The following MPRIP variants were observed in gnomAD, a reference collection of about 807,000 sequenced individuals.
MPRIP encodes myosin phosphatase Rho-interacting protein.
Under a neutral mutation model 234.9 loss-of-function variants are expected in MPRIP, and 59 were observed. The observed-to-expected ratio is 0.25, with a 90% CI of 0.20 to 0.31. The LOEUF is 0.31. Among genes scored for constraint, MPRIP ranks in the 10% least tolerant of loss-of-function variants. MPRIP has a pLI of 1.00. For missense variants in MPRIP, 2,436 were observed against 3,071.0 expected (o/e 0.79, Z 4.89); for synonymous variants, 1,144 against 1,263.9 (o/e 0.91, Z 2.01).
rs1056692378 is a variant in MPRIP at position 17,186,079 on chromosome 17, T to C, written c.*1185T>C. 1 of 154,152 alleles carries C rather than the reference T, an allele frequency of 6.5e-6. No homozygotes were observed. Among genetic ancestry groups the C allele is most frequent in the Non-Finnish European group, 1.4e-5 (1 of 69,600 alleles). The allele number at this position is 154,152 out of a possible 1,614,324, so 9.5% of individuals were successfully genotyped here. ...GAAAATCTCTTAAATTGGAGTCTAT[T>C]ATGGCCCCATGAAAACCATTAATCC... On this transcript the variant is annotated 3_prime_UTR_variant, in exon 24 of 24. Transcript: ENST00000651222.
chr17:17,100,902 T>C (rs72837935), intron 3 of MPRIP, among the ~76,000 whole-genome samples: 6 of 152,186 alleles, frequency 3.9e-5, no homozygotes, highest in Non-Finnish European at 5.9e-5. Flanking sequence ...ACCAAAAAGT[T>C]TGGGGACCAC....
rs2046613160 is a variant in MPRIP at position 17,192,444 on chromosome 17, G to GGGGGGGGGGGGGGGT, written c.*7553_*7554insGGGGGGGGGGGTGGG. On this transcript the variant is annotated 3_prime_UTR_variant, in exon 24 of 24. Transcript: ENST00000651222. ...TTTTTTTTTGGGGGGGGGGGGGGGA[G>GGGGGGGGGGGGGGGT]GGGCGTCTTGAGGCTTTTTTTTTTT... 1 of 77,122 alleles carries GGGGGGGGGGGGGGGT rather than the reference G, an allele frequency of 1.3e-5. No homozygotes were observed. Among genetic ancestry groups the GGGGGGGGGGGGGGGT allele is most frequent in the Non-Finnish European group, 2.5e-5 (1 of 40,590 alleles). 4.8% of individuals were successfully genotyped at this position (77,122 alleles called of 1,614,324 possible).
In MPRIP at chr17:17,167,660, C is replaced by T. The variant is rs749312303; in HGVS notation, c.6069C>T (p.His2023=). The T allele has an allele frequency of 5.4e-6, 7 of 1,304,260 alleles. No homozygotes were observed. In the South Asian group the frequency reaches 8.6e-5, roughly 16 times the overall value. 80.8% of individuals were successfully genotyped at this position (1,304,260 alleles called of 1,614,324 possible). ...AGGAGCTGAGGACCCTGCAGGAGCA[C>T]TACTCGCAGAGCCTGAGGTGCCTTC... ...HEEELRTLQE[H]YSQSLRCLQD... The change falls in exon 16 of 24, where the codon CAC becomes CAT. Residue 2023 remains histidine (H), a synonymous_variant. Coordinates refer to ENST00000651222, the MANE Select transcript of MPRIP (RefSeq NM_001364716.4). This position sits in a 1 kb window ranked among gnomAD's most constrained non-coding sequence, Gnocchi z 5.9.
Position 17,189,069 on chromosome 17 carries a change from T to C in MPRIP, c.*4175T>C, listed in dbSNP as rs1344995717. On this transcript the variant is annotated 3_prime_UTR_variant, in exon 24 of 24. Transcript: ENST00000651222. ...CGCACTTAGAAAAGAATGTGACACA[T>C]CAACATTAACTTTTCCTGAAAAGAA... 1 of 152,024 alleles carries C rather than the reference T, an allele frequency of 6.6e-6. No individual in the cohort carries two copies. Among genetic ancestry groups the C allele is most frequent in the African/African-American group, 2.4e-5 (1 of 41,348 alleles). 9.4% of individuals were successfully genotyped at this position (152,024 alleles called of 1,614,324 possible). A position where few individuals can be genotyped will look rare whatever the true frequency, so the allele number is the denominator to read the frequency against.
In MPRIP at chr17:17,172,742, G is replaced by A; in HGVS notation, c.6517G>A (p.Glu2173Lys). ...CGCCCACCGGGAGGAAATGGAGCGG[G>A]AGCTGGAGAAGAGCCAGCGGTCCCA... Reference protein sequence around the residue: ...KNAHREEMERELEKSQRSQIS... With the variant: ...KNAHREEMERKLEKSQRSQIS... Residue 2173 changes from glutamate to lysine, a missense_variant, in exon 18 of 24, where the codon GAG becomes AAG. By Grantham distance (56) the Glu-to-Lys change is moderately conservative. Coordinates refer to ENST00000651222, the MANE Select transcript of MPRIP (RefSeq NM_001364716.4). 6.2e-7 allele frequency: 1 copy of A among 1,612,102 alleles called. No individual in the cohort carries two copies. The highest frequency in any genetic ancestry group is 8.5e-7 in the Non-Finnish European group (1 of 1,180,022).
At chr17:17,144,788 G>A (rs1280454415) in intron 9 of MPRIP, among the ~76,000 whole-genome samples, 3 of 152,182 alleles carry the variant, frequency 2.0e-5, no homozygotes, top group African/African-American at 4.8e-5. Flanking sequence ...CCCGGGAGGC[G>A]GAGGTTGCAG....
chr17:17,125,219 C>T (rs1459379332), intron 3 of MPRIP, among the ~76,000 whole-genome samples: 1 of 152,216 alleles, frequency 6.6e-6, no homozygotes, highest in African/African-American at 2.4e-5. Flanking sequence ...GGCTCCTCCT[C>T]GTGTCCCCCC....
In MPRIP at chr17:17,138,954, A is replaced by G. The variant is rs2090759684; in HGVS notation, c.1250+525A>G. 6.6e-6 allele frequency among the ~76,000 whole-genome samples: 1 copy of G among 152,238 alleles called. No individual in the cohort carries two copies. Among genetic ancestry groups the G allele is most frequent in the African/African-American group, 2.4e-5 (1 of 41,466 alleles). On this transcript the variant is annotated intron_variant, in intron 7 of 23. Coordinates refer to ENST00000651222, the MANE Select transcript of MPRIP (RefSeq NM_001364716.4). This position sits in a 1 kb window ranked among gnomAD's most constrained non-coding sequence, Gnocchi z 5.8. ...ATGCTCCCTGGGGAGCCACAGCCCC[A>G]GGAAACCTGAGGCAACCTGTGAAGC...
At chr17:17,145,343 T>TA (rs1390932339) in intron 9 of MPRIP, among the ~76,000 whole-genome samples, 1 of 152,230 alleles carries the variant, frequency 6.6e-6, no homozygotes, top group Non-Finnish European at 1.5e-5. Context: ...GGACCAGAGA[T>TA]AAGGTGACCC....
chr17:17,159,187 C>T (rs967867014), intron 14 of MPRIP, among the ~76,000 whole-genome samples, 185 bp downstream of exon 14: 2 of 152,200 alleles, frequency 1.3e-5, no homozygotes, highest in South Asian at 2.1e-4. Context: ...GCTGTGGGAG[C>T]GTGCCAGTGC....
chr17:17,164,134 G>C lies in MPRIP; in HGVS notation c.2543G>C (p.Gly848Ala), dbSNP rs532889753. The change falls in exon 16 of 24, where the codon GGT becomes GCT. Residue 848 changes from glycine to alanine, a missense_variant. By Grantham distance (60) the Gly-to-Ala change is moderately conservative. Around this residue, in one of 4 missense-constraint regions of MPRIP, gnomAD observed 1,998 missense variants for 2,520.3 expected, o/e 0.79. Coordinates refer to ENST00000651222, the MANE Select transcript of MPRIP (RefSeq NM_001364716.4). The stretch of plus-strand genomic sequence containing the variant: ...ACTGAAGTGGCCGCCTCCCCATCGG[G>C]TGCCTGGCAGAGGCTCCATAGAGTC... ...LQTEVAASPS[G>A]AWQRLHRVNQ... 1 of 1,304,198 alleles carries C rather than the reference G, an allele frequency of 7.7e-7. No individual in the cohort carries two copies. The highest frequency in any genetic ancestry group is 1.2e-5 in the South Asian group (1 of 81,032). 80.8% of individuals were successfully genotyped at this position (1,304,198 alleles called of 1,614,324 possible).
intron 3 of MPRIP, among the ~76,000 whole-genome samples, chr17:17,099,461 A>G (rs1316209691): frequency 6.6e-6 from 1 of 152,234 alleles, no homozygotes; most frequent in Non-Finnish European, 1.5e-5. Flanking sequence ...TAAAATGTAG[A>G]CAAGAGCCAG....
At chr17:17,106,647 G>C (rs957946346) in intron 3 of MPRIP, among the ~76,000 whole-genome samples, 4 of 152,196 alleles carry the variant, frequency 2.6e-5, no homozygotes, top group Non-Finnish European at 4.4e-5. Flanking sequence ...ATGCAGAGCT[G>C]TTTAGTCTGG....
chr17:17,112,673 A>G (rs908325774), intron 3 of MPRIP, among the ~76,000 whole-genome samples: 1 of 152,168 alleles, frequency 6.6e-6, no homozygotes, highest in African/African-American at 2.4e-5. Context: ...TGCCCCTTTA[A>G]GGGGAGCCCA....
At chr17:17,127,787 C>T (rs992315727) in intron 4 of MPRIP, among the ~76,000 whole-genome samples, 2 of 152,252 alleles carry the variant, frequency 1.3e-5, no homozygotes, top group African/African-American at 4.8e-5. Flanking sequence ...TTTGAACACA[C>T]AGATGACTCG....
intron 5 of MPRIP, among the ~76,000 whole-genome samples, chr17:17,133,969 G>A (rs1391585938): frequency 1.3e-5 from 2 of 152,142 alleles, no homozygotes; most frequent in Non-Finnish European, 2.9e-5. Context: ...GCAGGCCCCG[G>A]GTCTCCACTC....
intron 3 of MPRIP, among the ~76,000 whole-genome samples, chr17:17,094,754 G>A (rs141099920): frequency 0.029 from 4,336 of 151,890 alleles, 93 homozygotes; most frequent in Middle Eastern, 0.048. Flanking sequence ...GGGACTACAG[G>A]TATGTGCCAC....
intron 3 of MPRIP, among the ~76,000 whole-genome samples, chr17:17,107,959 G>A (rs558659758): frequency 1.4e-4 from 21 of 152,302 alleles, no homozygotes; most frequent in Non-Finnish European, 2.4e-4. Context: ...CGCTGCTCAG[G>A]GGCCTGCCCG....
intron 1 of MPRIP, among the ~76,000 whole-genome samples, chr17:17,060,200 C>T (rs1212775282): frequency 6.6e-6 from 1 of 152,200 alleles, no homozygotes; most frequent in East Asian, 1.9e-4. Flanking sequence ...GCTCTTCCTT[C>T]CATGTGTGCC....
Sources: gnomAD v4.1 joint callset for allele counts (sites outside exome capture counted in the v4.1 genomes callset) on GRCh38, gnomAD v4.1.1 for gene constraint, gnomAD v4.1.1 regional missense constraint, Gnocchi (gnomAD v3.1) non-coding constraint, MANE v1.5 for transcripts, NCBI Gene and HGNC (gene_info 2026-07-23, HGNC 2026-07-21) for gene names.